The following PDE11A variants were observed in gnomAD, a reference collection of about 807,000 sequenced individuals.
PDE11A encodes phosphodiesterase 11A, also known as dual 3',5'-cyclic-AMP and -GMP phosphodiesterase 11A.
In PDE11A, 100 loss-of-function variants were observed where a neutral mutation model predicts 100.5. The observed-to-expected ratio is 1.00, with a 90% CI of 0.85 to 1.18. The LOEUF (loss-of-function observed/expected upper bound fraction) is 1.18, where lower values mean the gene tolerates loss of function less well. PDE11A is among the 50% of genes most tolerant of loss of function. PDE11A has a pLI of 0.00. For missense variants in PDE11A, 1,141 were observed against 1,152.6 expected (o/e 0.99, Z 0.15); for synonymous variants, 381 against 420.8 (o/e 0.91, Z 1.16).
At chr2:177,933,368 A>G (rs2085233157) in intron 2 of PDE11A, among the ~76,000 whole-genome samples, 1 of 152,172 alleles carries the variant, frequency 6.6e-6, no homozygotes, top group Admixed American at 6.6e-5. Context: ...CCAAATAGCC[A>G]AAGCAATCCT....
At chr2:177,972,180 A>G (rs747673741) in intron 2 of PDE11A, among the ~76,000 whole-genome samples, 15 of 152,238 alleles carry the variant, frequency 9.9e-5, no homozygotes, top group Non-Finnish European at 1.5e-4. Flanking sequence ...AAGACCACTT[A>G]AAAAATGTAG....
At chr2:178,018,255 G>A (rs1285169890) in intron 1 of PDE11A, 4 of 417,874 alleles carry the variant, frequency 9.6e-6, no homozygotes, top group East Asian at 6.0e-5. Flanking sequence ...CTTGCTCTGC[G>A]ATGGACTACT....
At chr2:177,679,906 A>G (rs1234702241) in intron 16 of PDE11A, among the ~76,000 whole-genome samples, 1 of 152,074 alleles carries the variant, frequency 6.6e-6, no homozygotes, top group African/African-American at 2.4e-5. Flanking sequence ...AAAATGAAGA[A>G]AAAGGCCTGT....
At position 177,771,839 on chromosome 2, in the gene PDE11A, C is replaced by T. The variant is rs771926850; in HGVS notation, c.1738-2466G>A. 3.3e-5 allele frequency among the ~76,000 whole-genome samples: 5 copies of T among 151,874 alleles called. No homozygotes were observed. In the South Asian group the frequency reaches 1.0e-3, roughly 32 times the overall value. ...CCAACATGATGAAACCCCACCTCTACAAAAATAGAAAAATTAGCTGGGCAT... is the reference window on the plus strand; with the variant it reads ...CCAACATGATGAAACCCCACCTCTATAAAAATAGAAAAATTAGCTGGGCAT... On this transcript the variant is annotated intron_variant, in intron 9 of 19. Coordinates refer to ENST00000286063, the MANE Select transcript of PDE11A (RefSeq NM_016953.4).
At chr2:178,016,642 G>A (rs1354541333) in intron 1 of PDE11A, among the ~76,000 whole-genome samples, 1 of 152,054 alleles carries the variant, frequency 6.6e-6, no homozygotes, top group Admixed American at 6.5e-5. Context: ...TATTTTTATA[G>A]GGATCAAGGA....
At chr2:178,059,115 A>G (rs2086935266) in intron 1 of PDE11A, among the ~76,000 whole-genome samples, 1 of 152,176 alleles carries the variant, frequency 6.6e-6, no homozygotes, top group Non-Finnish European at 1.5e-5. Flanking sequence ...TCAGAGGTTC[A>G]CATACAGTCC....
rs1558942848 is a variant in PDE11A, at chr2:177,795,934, A to AATATATATAT, written c.1737+20894_1737+20895insATATATATAT. 2.3e-4 allele frequency among the ~76,000 whole-genome samples: 8 copies of AATATATATAT among 35,382 alleles called. No homozygotes were observed. The South Asian group carries it at 4.1e-3, about 18-fold the overall frequency. 23.2% of individuals were successfully genotyped at this position (35,382 alleles called of 152,430 possible). ...TAATTATTACTATTATTTTGTTTAA[A>AATATATATAT]CTATATATATATATATATATATATA... On this transcript the variant is annotated intron_variant, in intron 9 of 19. Coordinates refer to ENST00000286063, the MANE Select transcript of PDE11A (RefSeq NM_016953.4).
chr2:178,050,874 C>T (rs192855179), intron 1 of PDE11A, among the ~76,000 whole-genome samples: 230 of 152,250 alleles, frequency 1.5e-3, no homozygotes, highest in African/African-American at 5.2e-3. Flanking sequence ...ACCAAATCTA[C>T]GTCTGATTGG....
intron 1 of PDE11A, among the ~76,000 whole-genome samples, chr2:178,060,509 A>T (rs926942914): frequency 1.3e-5 from 2 of 152,180 alleles, no homozygotes; most frequent in Non-Finnish European, 1.5e-5. Flanking sequence ...TAATCTTGGC[A>T]ACCTCTTAAG....
chr2:177,651,878 T>A (rs1332330297), intron 19 of PDE11A, among the ~76,000 whole-genome samples: 1 of 152,148 alleles, frequency 6.6e-6, no homozygotes, highest in East Asian at 1.9e-4. Context: ...CTGGGGCGAT[T>A]GTGAGCAGCA....
At chr2:178,030,252 G>A (rs2086528363) in intron 1 of PDE11A, among the ~76,000 whole-genome samples, 1 of 152,040 alleles carries the variant, frequency 6.6e-6, no homozygotes, top group Admixed American at 6.6e-5. Flanking sequence ...CAAATATAAT[G>A]GTGTTATGAA....
At chr2:177,761,458 G>C (rs1416098572) in intron 10 of PDE11A, among the ~76,000 whole-genome samples, 2 of 152,240 alleles carry the variant, frequency 1.3e-5, no homozygotes, top group African/African-American at 4.8e-5. Flanking sequence ...CCAGCACCCA[G>C]GTGCAAGGCA....
At chr2:177,809,134 T>C (rs2082912427) in intron 9 of PDE11A, among the ~76,000 whole-genome samples, 1 of 152,052 alleles carries the variant, frequency 6.6e-6, no homozygotes, top group Non-Finnish European at 1.5e-5. Context: ...TAGTGTCTCA[T>C]GGGTACAGAG....
intron 19 of PDE11A, among the ~76,000 whole-genome samples, chr2:177,653,767 T>C (rs57757358): frequency 0.035 from 5,257 of 152,272 alleles, 312 homozygotes; most frequent in African/African-American, 0.12. Context: ...GACACCTGAA[T>C]TCTAGCTTCT....
Position 177,694,488 on chromosome 2 carries a change from A to C in PDE11A, c.2345+2844T>G, listed in dbSNP as rs555652570. The stretch of plus-strand genomic sequence containing the variant: ...ACCAAAGGGCCACAAAACATGCAAA[A>C]TAAATAGGTTATAAAGCAAATGAGG... On this transcript the variant is annotated intron_variant, in intron 15 of 19. Coordinates refer to ENST00000286063, the MANE Select transcript of PDE11A (RefSeq NM_016953.4). 3.3e-5 allele frequency among the ~76,000 whole-genome samples: 5 copies of C among 152,294 alleles called. No homozygotes were observed. In the South Asian group the frequency reaches 1.0e-3, roughly 32 times the overall value.
At chr2:177,825,782 C>T (rs1047303918) in intron 6 of PDE11A, among the ~76,000 whole-genome samples, 7 of 152,156 alleles carry the variant, frequency 4.6e-5, no homozygotes, top group Non-Finnish European at 1.0e-4. Context: ...CGAAGTCACC[C>T]AAAGTTTCAA....
intron 2 of PDE11A, among the ~76,000 whole-genome samples, chr2:177,910,502 C>T (rs148930454): frequency 3.5e-4 from 53 of 150,804 alleles, no homozygotes; most frequent in African/African-American, 1.2e-3. Flanking sequence ...TTCTGAAGTC[C>T]CTCATTTCCA....
intron 5 of PDE11A, among the ~76,000 whole-genome samples, chr2:177,850,006 A>G (rs1225939715): frequency 1.3e-5 from 2 of 152,198 alleles, no homozygotes; most frequent in East Asian, 1.9e-4. Context: ...GCTACCATTG[A>G]CTTTCTTCAC....
chr2:177,699,351 T>A (rs1161327128), intron 14 of PDE11A, among the ~76,000 whole-genome samples: 1 of 152,178 alleles, frequency 6.6e-6, no homozygotes, highest in Middle Eastern at 3.2e-3. Context: ...TATAATCTTA[T>A]GGGACCACCG....
Sources: allele counts gnomAD v4.1 joint callset (sites outside exome capture counted in the v4.1 genomes callset), GRCh38; gene constraint gnomAD v4.1.1; transcripts MANE v1.5; gene names NCBI Gene and HGNC (gene_info 2026-07-23, HGNC 2026-07-21).